The following NEGR1 variants were observed in gnomAD, a reference collection of about 807,000 sequenced individuals.
NEGR1 encodes IgLON family member 4.
Under a neutral mutation model 40.9 loss-of-function variants are expected in NEGR1, and 10 were observed. That is an observed-to-expected ratio of 0.24 (90% CI 0.15 to 0.42). NEGR1 has a LOEUF of 0.42. Ranked by LOEUF, NEGR1 falls within the 10% of genes least tolerant of loss-of-function variation. NEGR1 has a pLI of 1.00. For synonymous variants in NEGR1, 185 were observed against 166.8 expected, an observed-to-expected ratio of 1.11 and a Z score of -0.84; for missense variants, 352 against 438.9, an observed-to-expected ratio of 0.80 and a Z score of 1.77.
intron 2 of NEGR1, among the ~76,000 whole-genome samples, chr1:71,851,759 C>A (rs899934168): frequency 6.6e-6 from 1 of 151,664 alleles, no homozygotes; most frequent in African/African-American, 2.4e-5. Context: ...TCTTTGTTTG[C>A]TCATTAAAAA....
intron 2 of NEGR1, among the ~76,000 whole-genome samples, chr1:71,779,983 G>C (rs1477173626): frequency 7.4e-6 from 1 of 134,774 alleles, no homozygotes; most frequent in African/African-American, 3.0e-5. Flanking sequence ...GTGTGGTATA[G>C]AGAAGGGTTT....
intron 4 of NEGR1, among the ~76,000 whole-genome samples, chr1:71,675,621 A>G (rs574638737): frequency 3.3e-5 from 5 of 152,050 alleles, no homozygotes; most frequent in Admixed American, 2.6e-4. Context: ...ATCTGGGATT[A>G]TGAGTTTGAA....
At chr1:71,681,421 T>C (rs1326834880) in intron 4 of NEGR1, among the ~76,000 whole-genome samples, 1 of 152,240 alleles carries the variant, frequency 6.6e-6, no homozygotes, top group Non-Finnish European at 1.5e-5. Context: ...AGTATTACTA[T>C]GATTCTGTCT....
At chr1:71,756,386 C>CA (rs1237728593) in intron 3 of NEGR1, among the ~76,000 whole-genome samples, 2 of 79,954 alleles carry the variant, frequency 2.5e-5, no homozygotes, top group Admixed American at 3.1e-4. Flanking sequence ...TCAAATGCCT[C>CA]AAAAAAACAA....
In NEGR1 at chr1:72,009,764, T is replaced by C. The variant is rs972976; in HGVS notation, c.177-74453A>G. On this transcript the variant is annotated intron_variant, in intron 1 of 6. Coordinates refer to ENST00000357731, the MANE Select transcript of NEGR1 (RefSeq NM_173808.3). ...ATTCAATAACAGGAGCCACGTGTTATTCATATCTTTGGCCCCAACATCTGG... is the reference window on the plus strand; with the variant it reads ...ATTCAATAACAGGAGCCACGTGTTACTCATATCTTTGGCCCCAACATCTGG... Among the ~76,000 whole-genome samples the C allele has an allele frequency of 9.8e-3, 1,490 of 152,246 alleles. 23 individuals carry two copies. Among genetic ancestry groups the C allele is most frequent in the African/African-American group, 0.034 (1,429 of 41,538 alleles).
chr1:72,047,000 G>C (rs140158979), intron 1 of NEGR1, among the ~76,000 whole-genome samples: 4 of 151,568 alleles, frequency 2.6e-5, no homozygotes, highest in Non-Finnish European at 5.9e-5. Flanking sequence ...ACGCAGAATG[G>C]TAAACAGATT....
At chr1:71,618,096 G>A (rs1557589334) in intron 4 of NEGR1, among the ~76,000 whole-genome samples, 1 of 152,174 alleles carries the variant, frequency 6.6e-6, no homozygotes, top group East Asian at 1.9e-4. Flanking sequence ...TGAACACTGG[G>A]ATTTTTGACA....
At chr1:72,250,075 T>C (rs1350267499) in intron 1 of NEGR1, among the ~76,000 whole-genome samples, 2 of 152,226 alleles carry the variant, frequency 1.3e-5, no homozygotes, top group Non-Finnish European at 1.5e-5. Context: ...TAAAGTATAA[T>C]GTGGGTAGGT....
intron 1 of NEGR1, among the ~76,000 whole-genome samples, chr1:72,037,770 T>A (rs1646916398): frequency 6.6e-6 from 1 of 152,162 alleles, no homozygotes; most frequent in Admixed American, 6.6e-5. Context: ...ATTTCATTTT[T>A]ATTTAATATT....
At chr1:71,512,234 T>C (rs543188550) in intron 6 of NEGR1, among the ~76,000 whole-genome samples, 1 of 152,284 alleles carries the variant, frequency 6.6e-6, no homozygotes, top group South Asian at 2.1e-4. Context: ...TGTTCTCTAT[T>C]GGGAATATCA....
chr1:72,160,010 T>C (rs1651495770), intron 1 of NEGR1, among the ~76,000 whole-genome samples: 1 of 152,210 alleles, frequency 6.6e-6, no homozygotes, highest in Non-Finnish European at 1.5e-5. Context: ...TCCATATATA[T>C]TTTTGAAAAT....
At chr1:72,258,411 G>A (rs1043551019) in intron 1 of NEGR1, among the ~76,000 whole-genome samples, 1 of 152,098 alleles carries the variant, frequency 6.6e-6, no homozygotes, top group African/African-American at 2.4e-5. Flanking sequence ...GTAAACCCTA[G>A]AAGGGCATTG....
At chr1:71,692,202 G>A (rs1653309260) in intron 4 of NEGR1, among the ~76,000 whole-genome samples, 1 of 151,548 alleles carries the variant, frequency 6.6e-6, no homozygotes, top group South Asian at 2.1e-4. Context: ...TATCATCATT[G>A]GAGATGTTAT....
rs551909354 is a variant in NEGR1 at position 71,617,647 on chromosome 1, C to T, written c.668-6501G>A. On this transcript the variant is annotated intron_variant, in intron 4 of 6. Coordinates refer to ENST00000357731, the MANE Select transcript of NEGR1 (RefSeq NM_173808.3). ...CTGAATGTAAGTCTACACACCGTGT[C>T]ATCCATAGATAAATGCTGGCTAGCT... is the stretch of plus-strand genomic sequence containing the variant. Among the ~76,000 whole-genome samples the T allele has an allele frequency of 6.6e-5, 10 of 152,320 alleles. No homozygotes were observed. The East Asian group carries it at 1.9e-3, about 29-fold the overall frequency.
chr1:71,939,784 G>A (rs1271444026), intron 1 of NEGR1, among the ~76,000 whole-genome samples: 1 of 152,054 alleles, frequency 6.6e-6, no homozygotes, highest in African/African-American at 2.4e-5. Context: ...CTACACTTCC[G>A]AAACCCTTTT....
chr1:72,072,394 C>T (rs765055816), intron 1 of NEGR1, among the ~76,000 whole-genome samples: 19 of 151,954 alleles, frequency 1.3e-4, no homozygotes, highest in African/African-American at 2.2e-4. Context: ...TTTCTCATGC[C>T]GGGGGACAGC....
At chr1:72,063,231 A>G (rs1000850150) in intron 1 of NEGR1, among the ~76,000 whole-genome samples, 37 of 151,872 alleles carry the variant, frequency 2.4e-4, no homozygotes, top group African/African-American at 8.5e-4. Context: ...TGTTTTACAC[A>G]TGTGTTTTCT....
chr1:72,169,927 T>C (rs945649986), intron 1 of NEGR1, among the ~76,000 whole-genome samples: 2 of 152,122 alleles, frequency 1.3e-5, no homozygotes, highest in African/African-American at 4.8e-5. Flanking sequence ...ACCACCATAT[T>C]GAAAGAAATA....
chr1:72,262,064 A>G (rs1048874510), intron 1 of NEGR1, among the ~76,000 whole-genome samples: 2 of 152,028 alleles, frequency 1.3e-5, no homozygotes, highest in Non-Finnish European at 2.9e-5. Context: ...ATGAAAGAGC[A>G]TATCACGTGG....
Sources: allele counts gnomAD v4.1 joint callset (sites outside exome capture counted in the v4.1 genomes callset), GRCh38; gene constraint gnomAD v4.1.1; transcripts MANE v1.5; gene names NCBI Gene and HGNC (gene_info 2026-07-23, HGNC 2026-07-21).